Variants in AGAP1 observed in about 807,000 individuals in gnomAD.
AGAP1 encodes arf-GAP with GTPase, ANK repeat and PH domain-containing protein 1.
Under a neutral mutation model 105.3 loss-of-function variants are expected in AGAP1, and 29 were observed. The observed-to-expected ratio is 0.28, with a 90% CI of 0.21 to 0.38. The LOEUF (loss-of-function observed/expected upper bound fraction) is 0.38, where lower values mean the gene tolerates loss of function less well. AGAP1 is among the 10% of genes least tolerant of loss of function. The pLI is 1.00. For missense variants in AGAP1, 998 were observed against 1,165.1 expected (o/e 0.86, Z 2.09); for synonymous variants, 509 against 485.9 (o/e 1.05, Z -0.63).
chr2:235,760,169 T>G (rs1364653681), intron 6 of AGAP1, among the ~76,000 whole-genome samples: 1 of 152,028 alleles, frequency 6.6e-6, no homozygotes, highest in Non-Finnish European at 1.5e-5. Context: ...TTACCTGAGG[T>G]CAAGAGTTTG....
intron 2 of AGAP1, 84 bp downstream of exon 2, chr2:235,709,321 C>A: frequency 1.4e-6 from 2 of 1,456,564 alleles, no homozygotes; most frequent in South Asian, 1.1e-5. Context: ...GGCAACTGGT[C>A]ATCGCCTGGG....
intron 2 of AGAP1, among the ~76,000 whole-genome samples, chr2:235,711,889 A>G (rs533540652): frequency 6.6e-6 from 1 of 152,332 alleles, no homozygotes; most frequent in Non-Finnish European, 1.5e-5. Context: ...CAGCAGTGAC[A>G]TGATGTCATG....
rs1479748291 is a variant in AGAP1, at chr2:235,550,611, G to A, written c.163+55762G>A. ...GGAGCCACAGACAGGTGTGTTTGCC[G>A]CAGAGGTGCCGAGGGCCCAGCAGGA... On this transcript the variant is annotated intron_variant, in intron 1 of 17. Transcript: ENST00000304032. This position sits in a 1 kb window ranked among gnomAD's most constrained non-coding sequence, Gnocchi z 4.6. Among the ~76,000 whole-genome samples the A allele has an allele frequency of 3.3e-5, 5 of 152,158 alleles. No individual in the cohort carries two copies. Among genetic ancestry groups the A allele is most frequent in the Admixed American group, 3.3e-4 (5 of 15,286 alleles).
intron 1 of AGAP1, among the ~76,000 whole-genome samples, chr2:235,649,371 T>A (rs1159324991): frequency 6.6e-6 from 1 of 152,128 alleles, no homozygotes; most frequent in Non-Finnish European, 1.5e-5. Flanking sequence ...CAGTTTTAAT[T>A]TATTGTTTTA....
intron 9 of AGAP1, among the ~76,000 whole-genome samples, chr2:235,848,941 T>G (rs1254877073): frequency 6.6e-6 from 1 of 152,234 alleles, no homozygotes; most frequent in African/African-American, 2.4e-5. Context: ...CAAGACTGAT[T>G]TCCCTGTCCG....
chr2:235,508,741 A>C (rs1421642326), intron 1 of AGAP1, among the ~76,000 whole-genome samples: 5 of 152,242 alleles, frequency 3.3e-5, no homozygotes, highest in South Asian at 2.1e-4. Context: ...TTTAAGCCAC[A>C]CAAATTCTGT....
chr2:235,812,776 G>A (rs552954059), intron 9 of AGAP1, among the ~76,000 whole-genome samples: 8 of 152,204 alleles, frequency 5.3e-5, no homozygotes, highest in Admixed American at 2.6e-4. Context: ...ACAGGAGGAC[G>A]GCTCACGTTT....
At chr2:236,112,032 C>T (rs192144644) in intron 16 of AGAP1, among the ~76,000 whole-genome samples, 2 of 152,294 alleles carry the variant, frequency 1.3e-5, no homozygotes, top group East Asian at 1.9e-4. Context: ...GCTTTTACCC[C>T]AGGACCTGTA....
chr2:235,574,204 T>G lies in AGAP1; in HGVS notation c.163+79355T>G, dbSNP rs1027907980. Among the ~76,000 whole-genome samples, 3 of 152,236 alleles carry G rather than the reference T, an allele frequency of 2.0e-5. No individual in the cohort carries two copies. The highest frequency in any genetic ancestry group is 4.4e-5 in the Non-Finnish European group (3 of 68,042). ...TTCTGGCACCTGAAGCATCTGGGCC[T>G]GGACGGACTCTTTCAGGTTGTTTGG... On this transcript the variant is annotated intron_variant, in intron 1 of 17. Transcript: ENST00000304032. The surrounding 1 kb of genome is among the most constrained non-coding windows in gnomAD (Gnocchi z 5.0).
At position 235,906,476 on chromosome 2, in the gene AGAP1, A is replaced by T. The variant is rs976997391; in HGVS notation, c.1156-2262A>T. Among the ~76,000 whole-genome samples, 6 of 152,030 alleles carry T rather than the reference A, an allele frequency of 3.9e-5. No homozygotes were observed. The highest frequency in any genetic ancestry group is 1.4e-4 in the African/African-American group (6 of 41,398). On this transcript the variant is annotated intron_variant, in intron 10 of 17. Coordinates refer to ENST00000304032, the MANE Select transcript of AGAP1 (RefSeq NM_001037131.3). The surrounding 1 kb of genome is among the most constrained non-coding windows in gnomAD (Gnocchi z 5.3). ...TGTCCCTCTGGGGCTGATGTAGGGG[A>T]GCCTGCTGGGGTTCTGTATTTATCT...
intron 1 of AGAP1, among the ~76,000 whole-genome samples, chr2:235,515,664 T>C (rs1942348814): frequency 6.6e-6 from 1 of 152,194 alleles, no homozygotes; most frequent in Non-Finnish European, 1.5e-5. Context: ...CTGCAGCCTT[T>C]AAAAGAGAAT....
At position 236,105,096 on chromosome 2, in the gene AGAP1, GAGA is replaced by G. The variant is rs2059451060; in HGVS notation, c.2115-15093_2115-15091del. 1.3e-5 allele frequency among the ~76,000 whole-genome samples: 2 copies of G among 152,052 alleles called. No individual in the cohort carries two copies. Among genetic ancestry groups the G allele is most frequent in the African/African-American group, 4.8e-5 (2 of 41,398 alleles). On this transcript the variant is annotated intron_variant, in intron 16 of 17. Coordinates refer to ENST00000304032, the MANE Select transcript of AGAP1 (RefSeq NM_001037131.3). The surrounding 1 kb of genome is among the most constrained non-coding windows in gnomAD (Gnocchi z 4.2). The stretch of plus-strand genomic sequence containing the variant: ...GAGTTCCTTCTGTCTGTCTCGGTGA[GAGA>G]AGGCACGGCCCTCACCCAGGGCAGC...
At chr2:235,573,748 G>T (rs893097854) in intron 1 of AGAP1, among the ~76,000 whole-genome samples, 16 of 152,208 alleles carry the variant, frequency 1.1e-4, no homozygotes, top group African/African-American at 3.9e-4. Context: ...GGCTTGGCAG[G>T]TGTGCCCCGG....
At position 236,123,936 on chromosome 2, in the gene AGAP1, G is replaced by A. The variant is rs200416911; in HGVS notation, c.2388G>A (p.Thr796=). ...QLLIWYGVDV[T]ARDAHGNTAL... is the part of the protein sequence containing the mutation. The stretch of plus-strand genomic sequence containing the variant: ...CTCCGCAGTACGGAGTGGACGTCAC[G>A]GCCCGAGATGCCCACGGGAACACAG... Residue 796 remains threonine (T), a synonymous_variant, in exon 18 of 18, where the codon ACG becomes ACA. Transcript: ENST00000304032. This position sits in a 1 kb window ranked among gnomAD's most constrained non-coding sequence, Gnocchi z 4.6. 2.1e-5 allele frequency: 34 copies of A among 1,613,188 alleles called. No homozygotes were observed. Among genetic ancestry groups the A allele is most frequent in the Admixed American group, 1.5e-4 (9 of 60,014 alleles).
chr2:235,524,696 G>T (rs759261033), intron 1 of AGAP1, among the ~76,000 whole-genome samples: 5 of 152,198 alleles, frequency 3.3e-5, no homozygotes, highest in Non-Finnish European at 7.3e-5. Flanking sequence ...CTGTGTCCAA[G>T]AGAAAACCTG....
chr2:235,637,700 A>G, intron 1 of AGAP1, among the ~76,000 whole-genome samples: 1 of 152,168 alleles, frequency 6.6e-6, no homozygotes, highest in East Asian at 1.9e-4. Context: ...TGAGTGTTGC[A>G]TTATTCAGGG....
At chr2:235,717,882 T>G (rs1040268401) in intron 3 of AGAP1, among the ~76,000 whole-genome samples, 2 of 152,238 alleles carry the variant, frequency 1.3e-5, no homozygotes, top group African/African-American at 4.8e-5. Context: ...AATTTATTTC[T>G]TATCTAATTG....
chr2:235,794,724 G>A (rs1161623611), intron 6 of AGAP1, among the ~76,000 whole-genome samples: 3 of 152,066 alleles, frequency 2.0e-5, no homozygotes, highest in Non-Finnish European at 4.4e-5. Flanking sequence ...TGCCCGCCTC[G>A]GCCTCCCAGA....
intron 1 of AGAP1, among the ~76,000 whole-genome samples, chr2:235,583,255 C>T (rs1323249241): frequency 1.3e-5 from 2 of 151,934 alleles, no homozygotes; most frequent in Non-Finnish European, 2.9e-5. Flanking sequence ...AGTGCAGCAG[C>T]CATAAACATG....
Sources: gnomAD v4.1 joint callset for allele counts (sites outside exome capture counted in the v4.1 genomes callset) on GRCh38, gnomAD v4.1.1 for gene constraint, Gnocchi (gnomAD v3.1) non-coding constraint, MANE v1.5 for transcripts, NCBI Gene and HGNC (gene_info 2026-07-23, HGNC 2026-07-21) for gene names.